IL1RAPL1: variants seen among roughly 807,000 people sequenced by gnomAD.
The protein encoded by IL1RAPL1 is interleukin 1 receptor accessory protein like 1.
IL1RAPL1 carries 3 observed loss-of-function variants against 48.4 expected under a neutral mutation model. The observed-to-expected ratio is 0.06, with a 90% CI of 0.03 to 0.16. The LOEUF (loss-of-function observed/expected upper bound fraction) is 0.16. IL1RAPL1 is among the 10% of genes least tolerant of loss of function. The pLI, the probability that IL1RAPL1 is intolerant of heterozygous loss-of-function variation, is 1.00. For synonymous variants in IL1RAPL1, 185 were observed against 187.7 expected, an observed-to-expected ratio of 0.99 and a Z score of 0.12; for missense variants, 349 against 530.6, an observed-to-expected ratio of 0.66 and a Z score of 3.36.
At chrX:28,622,512 T>C (rs1015025725) in intron 1 of IL1RAPL1, among the ~76,000 whole-genome samples, 1 of 112,331 alleles carries the variant, frequency 8.9e-6, no homozygotes, top group Non-Finnish European at 1.9e-5. Context: ...ATTTTATCTA[T>C]GTGATCATAA....
At chrX:29,308,680 G>A (rs775523367) in intron 3 of IL1RAPL1, among the ~76,000 whole-genome samples, 6 of 112,123 alleles carry the variant, frequency 5.4e-5, no homozygotes, top group Non-Finnish European at 9.4e-5. Flanking sequence ...CCACATACCC[G>A]TATATTGCAA....
chrX:29,721,922 C>T (rs763354917), intron 6 of IL1RAPL1, among the ~76,000 whole-genome samples: 7 of 111,699 alleles, frequency 6.3e-5, no homozygotes, highest in Non-Finnish European at 1.3e-4. Flanking sequence ...TTTTTAATCA[C>T]TCTGTTTTAA....
chrX:29,630,170 A>C (rs1396311958), intron 5 of IL1RAPL1, among the ~76,000 whole-genome samples: 2 of 110,739 alleles, frequency 1.8e-5, no homozygotes, highest in Non-Finnish European at 3.8e-5. Flanking sequence ...CACATGGTGA[A>C]GGGAGAAGGG....
At chrX:29,752,080 G>A (rs199708447) in intron 6 of IL1RAPL1, among the ~76,000 whole-genome samples, 5,467 of 85,189 alleles carry the variant, frequency 0.064, 179 homozygotes, top group East Asian at 0.14. Context: ...ATGTGTGTAT[G>A]TATATATATA....
intron 2 of IL1RAPL1, among the ~76,000 whole-genome samples, chrX:28,966,533 C>G (rs981297315): frequency 9.0e-6 from 1 of 111,450 alleles, no homozygotes; most frequent in African/African-American, 3.3e-5. Flanking sequence ...ACTCTCCCCC[C>G]TCCTCTTGTT....
At chrX:29,727,076 C>T (rs1290885127) in intron 6 of IL1RAPL1, among the ~76,000 whole-genome samples, 1 of 111,364 alleles carries the variant, frequency 9.0e-6, no homozygotes, top group Non-Finnish European at 1.9e-5. Context: ...TATAATTTGG[C>T]GATGATATCT....
intron 1 of IL1RAPL1, among the ~76,000 whole-genome samples, chrX:28,743,668 C>T (rs781255405): frequency 2.1e-4 from 23 of 111,227 alleles, no homozygotes; most frequent in African/African-American, 6.5e-4. Flanking sequence ...TTTGTGATTC[C>T]GTATACTCCA....
At chrX:28,818,814 G>C (rs1450817546) in intron 2 of IL1RAPL1, among the ~76,000 whole-genome samples, 1 of 110,971 alleles carries the variant, frequency 9.0e-6, no homozygotes, top group Non-Finnish European at 1.9e-5. Flanking sequence ...TCTTCAGTAT[G>C]ACCTCTAGCT....
intron 1 of IL1RAPL1, among the ~76,000 whole-genome samples, chrX:28,701,058 G>A (rs1041065380): frequency 9.0e-6 from 1 of 111,167 alleles, no homozygotes; most frequent in Non-Finnish European, 1.9e-5. Flanking sequence ...TAATCCTTTG[G>A]GTATATACCC....
intron 2 of IL1RAPL1, among the ~76,000 whole-genome samples, chrX:28,828,677 A>G (rs1920987936): frequency 8.9e-6 from 1 of 112,157 alleles, no homozygotes; most frequent in Non-Finnish European, 1.9e-5. Flanking sequence ...AATTGACTAT[A>G]AATGTGAGGG....
intron 5 of IL1RAPL1, among the ~76,000 whole-genome samples, chrX:29,485,859 G>C (rs189839704): frequency 3.4e-4 from 38 of 111,262 alleles, no homozygotes; most frequent in African/African-American, 1.1e-3. Flanking sequence ...CTCAAAGTGT[G>C]AGCAGGAGCC....
At chrX:29,516,682 A>G (rs1042220504) in intron 5 of IL1RAPL1, among the ~76,000 whole-genome samples, 1 of 110,796 alleles carries the variant, frequency 9.0e-6, no homozygotes, top group African/African-American at 3.3e-5. Context: ...TGTATTCTTG[A>G]TGGACATTTG....
At chrX:29,651,437 C>CAAA (rs376172812) in intron 5 of IL1RAPL1, among the ~76,000 whole-genome samples, 166 of 106,225 alleles carry the variant, frequency 1.6e-3, no homozygotes, top group South Asian at 9.4e-3. Context: ...ACTGTTTAGC[C>CAAA]AAAAAAAAAT....
intron 2 of IL1RAPL1, among the ~76,000 whole-genome samples, chrX:29,032,561 AAAG>A (rs1410483947): frequency 8.9e-6 from 1 of 112,522 alleles, no homozygotes; most frequent in Non-Finnish European, 1.9e-5. Context: ...GAGAAAAAAA[AAAG>A]GTGTCCCCTG....
chrX:29,329,745 G>A (rs1220158682), intron 3 of IL1RAPL1, among the ~76,000 whole-genome samples: 2 of 107,033 alleles, frequency 1.9e-5, no homozygotes, highest in Admixed American at 1.0e-4. Context: ...CCCAGGAGGC[G>A]AAGGTTGCAG....
chrX:29,438,372 A>G (rs1401023113), intron 5 of IL1RAPL1, among the ~76,000 whole-genome samples: 1 of 110,845 alleles, frequency 9.0e-6, no homozygotes, highest in Non-Finnish European at 1.9e-5. Context: ...TCTATTTTGA[A>G]TTTCATTGAT....
At chrX:28,804,868 A>G (rs1936712414) in intron 2 of IL1RAPL1, among the ~76,000 whole-genome samples, 1 of 111,637 alleles carries the variant, frequency 9.0e-6, no homozygotes, top group South Asian at 3.7e-4. Flanking sequence ...TAGCTTTTAC[A>G]TAAAATAGTT....
intron 5 of IL1RAPL1, among the ~76,000 whole-genome samples, chrX:29,558,699 T>C (rs1433956513): frequency 9.0e-6 from 1 of 111,669 alleles, no homozygotes; most frequent in Non-Finnish European, 1.9e-5. Flanking sequence ...CAATTTTGAG[T>C]TGGTTGTTGT....
intron 3 of IL1RAPL1, among the ~76,000 whole-genome samples, chrX:29,317,257 A>G (rs1261934475): frequency 8.9e-6 from 1 of 112,015 alleles, no homozygotes; most frequent in Non-Finnish European, 1.9e-5. Flanking sequence ...GCCAGAAAAT[A>G]TGCAACATAT....
Sources: allele counts gnomAD v4.1 joint callset (sites outside exome capture counted in the v4.1 genomes callset), GRCh38; gene constraint gnomAD v4.1.1; transcripts MANE v1.5; gene names NCBI Gene and HGNC (gene_info 2026-07-23, HGNC 2026-07-21).